ENOX1: variants seen among roughly 807,000 people sequenced by gnomAD.
The protein encoded by ENOX1 is ecto-NOX disulfide-thiol exchanger 1.
ENOX1 carries 42 observed loss-of-function variants against 82.5 expected under a neutral mutation model. That is an observed-to-expected ratio of 0.51 (90% CI 0.40 to 0.66). The LOEUF is 0.66. ENOX1 is among the 30% of genes least tolerant of loss of function. ENOX1 has a pLI of 0.00. For synonymous variants in ENOX1, 271 were observed against 282.2 expected (o/e 0.96, Z 0.40); for missense variants, 608 against 811.6 (o/e 0.75, Z 3.05).
chr13:43,352,408 C>T (rs1443959457), intron 8 of ENOX1, among the ~76,000 whole-genome samples: 1 of 152,244 alleles, frequency 6.6e-6, no homozygotes, highest in Non-Finnish European at 1.5e-5. Context: ...TCCTTCCTCA[C>T]TGTCTAATCA....
chr13:43,285,488 G>A (rs969196902), intron 12 of ENOX1, among the ~76,000 whole-genome samples: 6 of 151,858 alleles, frequency 4.0e-5, no homozygotes, highest in African/African-American at 1.5e-4. Flanking sequence ...ATGACAAACC[G>A]AGACCCAGGA....
At chr13:43,756,887 C>G (rs999592144) in intron 1 of ENOX1, among the ~76,000 whole-genome samples, 23 of 143,630 alleles carry the variant, frequency 1.6e-4, no homozygotes, top group African/African-American at 5.6e-4. Context: ...ACTTGGGAGG[C>G]TGAGGTAAGA....
intron 3 of ENOX1, among the ~76,000 whole-genome samples, chr13:43,480,470 A>T (rs1401116312): frequency 1.3e-5 from 2 of 152,226 alleles, no homozygotes; most frequent in Non-Finnish European, 2.9e-5. Flanking sequence ...GAAAAGTTTT[A>T]AAAATGGGCT....
At chr13:43,771,255 C>A (rs139304336) in intron 1 of ENOX1, among the ~76,000 whole-genome samples, 1 of 152,110 alleles carries the variant, frequency 6.6e-6, no homozygotes, top group African/African-American at 2.4e-5. Flanking sequence ...TTTGAGGCCA[C>A]GTAAAAGCTG....
At chr13:43,620,641 A>G (rs1313093581) in intron 2 of ENOX1, among the ~76,000 whole-genome samples, 1 of 152,150 alleles carries the variant, frequency 6.6e-6, no homozygotes, top group Non-Finnish European at 1.5e-5. Flanking sequence ...TCTTAAATTT[A>G]TTAAGGCTCA....
At chr13:43,409,958 A>G (rs1362186506) in intron 5 of ENOX1, among the ~76,000 whole-genome samples, 2 of 152,208 alleles carry the variant, frequency 1.3e-5, no homozygotes, top group African/African-American at 4.8e-5. Flanking sequence ...GAAGCCCAGA[A>G]AGACCCTGAA....
intron 2 of ENOX1, among the ~76,000 whole-genome samples, chr13:43,574,854 T>C (rs2080344586): frequency 6.6e-6 from 1 of 152,130 alleles, no homozygotes; most frequent in Admixed American, 6.5e-5. Flanking sequence ...GTGTGTACGA[T>C]TGAGGTTATT....
chr13:43,635,292 C>T (rs964727330), intron 2 of ENOX1, among the ~76,000 whole-genome samples: 1 of 152,050 alleles, frequency 6.6e-6, no homozygotes, highest in Non-Finnish European at 1.5e-5. Flanking sequence ...GACTTAAAAC[C>T]GGGATTTGGT....
Position 43,684,095 on chromosome 13 carries a change from C to CAAAAAAA in ENOX1, c.-284-16558_-284-16552dup, listed in dbSNP as rs55919280. On this transcript the variant is annotated intron_variant, in intron 1 of 16. Transcript: ENST00000690772. The stretch of plus-strand genomic sequence containing the variant: ...TGGGCGAAAGAGCGAGACTCTGTCT[C>CAAAAAAA]AAAAAAAAAAAAAAAAAATGTAACC... Among the ~76,000 whole-genome samples the CAAAAAAA allele has an allele frequency of 2.9e-4, 31 of 106,144 alleles. 2 individuals are homozygous for CAAAAAAA. Among genetic ancestry groups the CAAAAAAA allele is most frequent in the Non-Finnish European group, 4.5e-4 (25 of 55,812 alleles). The allele number at this position is 106,144 out of a possible 152,430, so 69.6% of individuals were successfully genotyped here.
intron 1 of ENOX1, among the ~76,000 whole-genome samples, chr13:43,719,335 ACACACACACAC>A: frequency 6.6e-6 from 1 of 151,390 alleles, no homozygotes; most frequent in African/African-American, 2.4e-5. Context: ...ACACACACAC[ACACACACACAC>A]ACCAGCAATC....
intron 2 of ENOX1, among the ~76,000 whole-genome samples, chr13:43,486,134 C>G (rs754960113): frequency 6.6e-6 from 1 of 152,120 alleles, no homozygotes; most frequent in African/African-American, 2.4e-5. Flanking sequence ...GGTGTGAACC[C>G]GGGAGGCAGA....
chr13:43,410,033 T>TA (rs2054027542), intron 5 of ENOX1, among the ~76,000 whole-genome samples: 1 of 152,266 alleles, frequency 6.6e-6, no homozygotes, highest in Non-Finnish European at 1.5e-5. Flanking sequence ...TTGGGGCAGA[T>TA]ACGGTAAATC....
Position 43,213,976 on chromosome 13 carries a change from T to C in ENOX1, c.*14A>G. On this transcript the variant is annotated 3_prime_UTR_variant, in exon 17 of 17. Transcript: ENST00000690772. ...CACATGGTTTCATTTCCAGAGATGCTTTGCTCTTCGCAGTTAGGTAGTTTT... is the reference window on the plus strand; with the variant it reads ...CACATGGTTTCATTTCCAGAGATGCCTTGCTCTTCGCAGTTAGGTAGTTTT... 4 of 1,612,120 alleles carry C rather than the reference T, an allele frequency of 2.5e-6. No individual in the cohort carries two copies. The highest frequency in any genetic ancestry group is 3.4e-6 in the Non-Finnish European group (4 of 1,178,846).
chr13:43,430,565 C>T (rs1005501395), intron 3 of ENOX1, among the ~76,000 whole-genome samples: 12 of 151,962 alleles, frequency 7.9e-5, no homozygotes, highest in African/African-American at 2.2e-4. Context: ...GAGGAAATAA[C>T]GGAGACTCAT....
rs1248698680 is a variant in ENOX1 at position 43,616,190 on chromosome 13, A to C, written c.-219+51289T>G. ...TCTATCTATCTATCTATCTATCTAT[A>C]TATATATATATATATTTTTTTTTTT... On this transcript the variant is annotated intron_variant, in intron 2 of 16. Coordinates refer to ENST00000690772, the MANE Select transcript of ENOX1 (RefSeq NM_001347969.2). Among the ~76,000 whole-genome samples, 5 of 16,284 alleles carry C rather than the reference A, an allele frequency of 3.1e-4. 1 individual carries two copies. Among genetic ancestry groups the C allele is most frequent in the African/African-American group, 4.0e-4 (5 of 12,574 alleles). The allele number at this position is 16,284 out of a possible 152,430, so 10.7% of individuals were successfully genotyped here.
chr13:43,546,973 G>A (rs1177323283), intron 2 of ENOX1: 1 of 152,210 alleles, frequency 6.6e-6, no homozygotes, highest in Admixed American at 6.5e-5. Context: ...ACGCAGGCAG[G>A]ACTAAACTGC....
intron 2 of ENOX1, among the ~76,000 whole-genome samples, chr13:43,499,522 C>T (rs531260348): frequency 6.1e-4 from 93 of 152,144 alleles, no homozygotes; most frequent in African/African-American, 1.8e-3. Context: ...CACTGACACC[C>T]GGCCCACCCA....
At chr13:43,247,335 T>TA (rs998133157) in intron 14 of ENOX1, among the ~76,000 whole-genome samples, 2 of 151,894 alleles carry the variant, frequency 1.3e-5, no homozygotes, top group South Asian at 2.1e-4. Context: ...AATACATAAA[T>TA]AAAAAAGTAT....
intron 2 of ENOX1, among the ~76,000 whole-genome samples, chr13:43,591,975 G>A (rs1235117194): frequency 1.3e-5 from 2 of 151,790 alleles, no homozygotes; most frequent in East Asian, 3.9e-4. Flanking sequence ...ACACGACTCA[G>A]CTCCACAATG....
Sources: allele counts gnomAD v4.1 joint callset (sites outside exome capture counted in the v4.1 genomes callset), GRCh38; gene constraint gnomAD v4.1.1; transcripts MANE v1.5; gene names NCBI Gene and HGNC (gene_info 2026-07-23, HGNC 2026-07-21).